Variants in C9orf72 observed in about 807,000 individuals in gnomAD.
C9orf72 encodes the protein guanine nucleotide exchange factor C9orf72.
In C9orf72, 44 loss-of-function variants were observed where a neutral mutation model predicts 51.6. The observed-to-expected ratio is 0.85, with a 90% CI of 0.67 to 1.10. The LOEUF is 1.10. Ranked by LOEUF, C9orf72 falls within the 50% of genes least tolerant of loss-of-function variation. The probability of loss-of-function intolerance (pLI) is 0.00; values close to 1 mark genes in which losing one functional copy is unlikely to be tolerated. For synonymous variants in C9orf72, 213 were observed against 194.2 expected (o/e 1.10, Z -0.81); for missense variants, 607 against 570.6 (o/e 1.06, Z -0.65).
intron 8 of C9orf72, among the ~76,000 whole-genome samples, chr9:27,552,716 T>C (rs1298378885): frequency 6.6e-6 from 1 of 152,018 alleles, no homozygotes; most frequent in Non-Finnish European, 1.5e-5. Context: ...CTCTACCTAT[T>C]GAGATAATCT....
upstream of C9orf72, chr9:27,573,533 C>CCGGCCCCGGCCA (rs1554662391): frequency 2.0e-5 from 3 of 150,352 alleles, no homozygotes; most frequent in African/African-American, 7.3e-5. Context: ...CGCCCCGGCC[C>CCGGCCCCGGCCA]CGGCCCCGGC....
intron 1 of C9orf72, among the ~76,000 whole-genome samples, chr9:27,571,413 T>G (rs1306884503): frequency 6.6e-6 from 1 of 152,224 alleles, no homozygotes; most frequent in African/African-American, 2.4e-5. Flanking sequence ...GAAAGGTGGT[T>G]GGTCCACTGC....
At chr9:27,560,018 G>T in intron 6 of C9orf72, 2 of 292,552 alleles carry the variant, frequency 6.8e-6, no homozygotes, top group South Asian at 9.6e-5. Flanking sequence ...TGGTATTTCC[G>T]AGCTATCAAA....
At chr9:27,567,997 A>G (rs1387529502) in intron 1 of C9orf72, among the ~76,000 whole-genome samples, 1 of 150,848 alleles carries the variant, frequency 6.6e-6, no homozygotes, top group African/African-American at 2.4e-5. Flanking sequence ...TGTTGTTTAA[A>G]GCCACTCAGT....
chr9:27,555,897 T>C (rs1456534016), intron 8 of C9orf72, among the ~76,000 whole-genome samples: 1 of 152,106 alleles, frequency 6.6e-6, no homozygotes, highest in Admixed American at 6.6e-5. Context: ...AAGTATACTA[T>C]AATTCTTTTC....
At position 27,562,409 on chromosome 9, in the gene C9orf72, T is replaced by C. The variant is rs1188992770; in HGVS notation, c.572A>G (p.Lys191Arg). The C allele has an allele frequency of 5.7e-6, 9 of 1,591,712 alleles. No individual in the cohort carries two copies. In the East Asian group the frequency reaches 1.1e-4, roughly 20 times the overall value. The part of the protein sequence containing the change: ...IPVMELLSSM[K>R]SHSVPEEIDI... ...TATTTCTTCAGGAACACTGTGTGAT[T>C]TCATAGATGAAAGCAGTTCCATTAC... is the stretch of plus-strand genomic sequence containing the variant. Residue 191 changes from lysine (K) to arginine (R), a missense_variant, in exon 4 of 11, where the codon AAA becomes AGA. Physicochemically the swap from Lys to Arg is conservative, Grantham distance 26. Coordinates refer to ENST00000380003, the MANE Select transcript of C9orf72 (RefSeq NM_018325.5).
At chr9:27,548,767 T>C in intron 9 of C9orf72, 101 bp from the exon 10 acceptor site, 1 of 673,532 alleles carries the variant, frequency 1.5e-6, no homozygotes, top group Non-Finnish European at 2.7e-6. Context: ...CAATACACAC[T>C]AAACATCTCC....
At chr9:27,562,641 T>A (rs1002332662) in intron 3 of C9orf72, among the ~76,000 whole-genome samples, 165 bp from the exon 4 acceptor site, 5 of 151,940 alleles carry the variant, frequency 3.3e-5, no homozygotes, top group Admixed American at 6.6e-5. Context: ...AAAGGATTTA[T>A]ATGCAATCCA....
intron 8 of C9orf72, 42 bp downstream of exon 8, chr9:27,556,519 A>T (rs779927591): frequency 1.5e-6 from 2 of 1,302,878 alleles, no homozygotes; most frequent in Admixed American, 3.7e-5. Context: ...ACACAATTTC[A>T]TATTGCTTGA....
intron 1 of C9orf72, among the ~76,000 whole-genome samples, chr9:27,572,744 A>G (rs906471219): frequency 1.3e-5 from 2 of 152,166 alleles, no homozygotes; most frequent in Non-Finnish European, 2.9e-5. Flanking sequence ...TAATCTGTGC[A>G]CTTCTTTAGA....
chr9:27,557,146 A>C (rs1819220465), intron 7 of C9orf72, among the ~76,000 whole-genome samples: 1 of 152,186 alleles, frequency 6.6e-6, no homozygotes, highest in Non-Finnish European at 1.5e-5. Flanking sequence ...GAGATGATCC[A>C]GTGGGGGTGG....
chr9:27,558,827 T>C (rs529118071), intron 6 of C9orf72: 10 of 422,286 alleles, frequency 2.4e-5, no homozygotes, highest in East Asian at 4.6e-5. Flanking sequence ...ATTTACTGTA[T>C]GGCATCTCAA....
chr9:27,556,556 C>T lies in C9orf72; in HGVS notation c.1091+5G>A, dbSNP rs1279456273. 8 of 1,582,288 alleles carry T rather than the reference C, an allele frequency of 5.1e-6. No homozygotes were observed. The highest frequency in any genetic ancestry group is 6.9e-6 in the Non-Finnish European group (8 of 1,151,612). On this transcript the variant is annotated splice_donor_5th_base_variant and intron_variant, in intron 8 of 10. Coordinates refer to ENST00000380003, the MANE Select transcript of C9orf72 (RefSeq NM_018325.5). ...TACAGTACCAGCAGGCAGAGCATTA[C>T]GTACAAATCAGGAGTAAAGCTTTCG...
chr9:27,570,359 T>A (rs1019012113), intron 1 of C9orf72, among the ~76,000 whole-genome samples: 2 of 152,220 alleles, frequency 1.3e-5, no homozygotes, highest in South Asian at 4.1e-4. Context: ...GCAAACATAT[T>A]TTTCTTTCAT....
chr9:27,561,122 C>T, intron 5 of C9orf72: 1 of 400,154 alleles, frequency 2.5e-6, no homozygotes, highest in Non-Finnish European at 3.4e-6. Context: ...AATTCAGGCA[C>T]CTTGCCCACG....
At chr9:27,562,925 T>G (rs1645555635) in intron 3 of C9orf72, among the ~76,000 whole-genome samples, 1 of 152,122 alleles carries the variant, frequency 6.6e-6, no homozygotes, top group African/African-American at 2.4e-5. Context: ...AAAGCTCACT[T>G]TTATTCTTTA....
At position 27,566,660 on chromosome 9, in the gene C9orf72, G is replaced by A. The variant is rs1418100964; in HGVS notation, c.444+17C>T. On this transcript the variant is annotated intron_variant, in intron 2 of 10. Coordinates refer to ENST00000380003, the MANE Select transcript of C9orf72 (RefSeq NM_018325.5). ...ACAGATAGGTTAACATGATTAATAA[G>A]CTGAAAAATCACTTACCTTATGCAT... is the stretch of plus-strand genomic sequence containing the variant. 1.3e-6 allele frequency: 2 copies of A among 1,536,996 alleles called. No homozygotes were observed. The highest frequency in any genetic ancestry group is 1.4e-5 in the African/African-American group (1 of 72,434).
chr9:27,552,564 T>A (rs59997468), intron 8 of C9orf72, among the ~76,000 whole-genome samples: 3,289 of 140,720 alleles, frequency 0.023, 122 homozygotes, highest in African/African-American at 0.084. Context: ...CCATGCTGCC[T>A]AGGCTCGTCT....
In C9orf72 at chr9:27,566,769, G is replaced by T; in HGVS notation, c.352C>A (p.Gln118Lys). 6.2e-7 allele frequency: 1 copy of T among 1,613,688 alleles called. No homozygotes were observed. Among genetic ancestry groups the T allele is most frequent in the Non-Finnish European group, 8.5e-7 (1 of 1,179,638 alleles). ...GGGAGGTAGAAACTAAGTTCTGTCT[G>T]TGGAAGTATAATTGATAGTCCATAT... ...STYGLSIILP[Q>K]TELSFYLPLH... Residue 118 changes from glutamine to lysine, a missense_variant, in exon 2 of 11, where the codon CAG becomes AAG. Gln to Lys is a moderately conservative substitution (Grantham distance 53). Transcript: ENST00000380003.
Sources: gnomAD v4.1 joint callset for allele counts (sites outside exome capture counted in the v4.1 genomes callset) on GRCh38, gnomAD v4.1.1 for gene constraint, MANE v1.5 for transcripts, NCBI Gene and HGNC (gene_info 2026-07-23, HGNC 2026-07-21) for gene names.